LRP1B: variants seen among roughly 807,000 people sequenced by gnomAD.
LRP1B encodes the protein LDL receptor related protein 1B.
Under a neutral mutation model 556.6 loss-of-function variants are expected in LRP1B, and 217 were observed. The observed-to-expected ratio is 0.39, with a 90% CI of 0.35 to 0.44. The LOEUF (loss-of-function observed/expected upper bound fraction) is 0.44. Ranked by LOEUF, LRP1B falls within the 20% of genes least tolerant of loss-of-function variation. The probability of loss-of-function intolerance (pLI) is 1.00; values close to 1 mark genes in which losing one functional copy is unlikely to be tolerated. For synonymous variants in LRP1B, 2,047 were observed against 1,865.8 expected (o/e 1.10, Z -2.50); for missense variants, 5,053 against 5,620.8 (o/e 0.90, Z 3.23).
intron 2 of LRP1B, among the ~76,000 whole-genome samples, chr2:141,481,171 A>G (rs1392070787): frequency 2.0e-5 from 3 of 152,218 alleles, no homozygotes; most frequent in Admixed American, 6.5e-5. Flanking sequence ...TTTACACACC[A>G]GTGATAACTA....
intron 11 of LRP1B, among the ~76,000 whole-genome samples, chr2:141,028,337 A>T (rs1319643386): frequency 6.6e-6 from 1 of 151,800 alleles, no homozygotes; most frequent in Non-Finnish European, 1.5e-5. Flanking sequence ...GTATAAAATT[A>T]TTCAAGGTAG....
intron 2 of LRP1B, among the ~76,000 whole-genome samples, chr2:141,563,060 T>C (rs1166130849): frequency 6.6e-6 from 1 of 151,914 alleles, no homozygotes; most frequent in Non-Finnish European, 1.5e-5. Context: ...GAACTGGATA[T>C]ATGAAGTGGA....
At chr2:140,732,156 G>T (rs1687801090) in intron 35 of LRP1B, among the ~76,000 whole-genome samples, 1 of 151,506 alleles carries the variant, frequency 6.6e-6, no homozygotes, top group Admixed American at 6.6e-5. Flanking sequence ...ACGTGGGAGG[G>T]GTTCATTATT....
intron 66 of LRP1B, among the ~76,000 whole-genome samples, chr2:140,390,028 G>A (rs1683946426): frequency 6.6e-6 from 1 of 152,016 alleles, no homozygotes. Context: ...TACTTGGGAA[G>A]CTGAGGCAGG....
At chr2:141,641,106 A>G (rs1048276136) in intron 2 of LRP1B, among the ~76,000 whole-genome samples, 2 of 152,186 alleles carry the variant, frequency 1.3e-5, no homozygotes, top group Admixed American at 6.6e-5. Flanking sequence ...TTAATTTTCA[A>G]TTATCTTTCC....
intron 3 of LRP1B, among the ~76,000 whole-genome samples, chr2:141,382,547 C>A (rs143150431): frequency 6.6e-6 from 1 of 152,160 alleles, no homozygotes; most frequent in Non-Finnish European, 1.5e-5. Flanking sequence ...AACCTGCCAG[C>A]GCAGAGGCCT....
intron 1 of LRP1B, among the ~76,000 whole-genome samples, chr2:142,032,574 A>G (rs530976553): frequency 1.6e-4 from 24 of 151,748 alleles, no homozygotes; most frequent in Non-Finnish European, 2.7e-4. Flanking sequence ...AACCATCATC[A>G]TTATTTTTAG....
intron 2 of LRP1B, among the ~76,000 whole-genome samples, chr2:141,545,428 AC>A (rs1410789585): frequency 3.3e-5 from 5 of 152,166 alleles, no homozygotes; most frequent in Admixed American, 2.6e-4. Context: ...AATGCCCAGA[AC>A]CTGTGAATAT....
At chr2:140,963,101 T>C (rs530823988) in intron 18 of LRP1B, among the ~76,000 whole-genome samples, 1 of 152,312 alleles carries the variant, frequency 6.6e-6, no homozygotes, top group South Asian at 2.1e-4. Flanking sequence ...TAGGCAAAGA[T>C]GCATATAGCT....
intron 1 of LRP1B, among the ~76,000 whole-genome samples, chr2:142,104,625 T>C (rs1449729541): frequency 2.6e-5 from 4 of 152,144 alleles, no homozygotes; most frequent in African/African-American, 9.6e-5. Context: ...CTTAACTCAT[T>C]AGTACTGTGT....
chr2:140,382,147 G>A (rs1482049822), intron 67 of LRP1B, among the ~76,000 whole-genome samples: 3 of 152,072 alleles, frequency 2.0e-5, no homozygotes, highest in South Asian at 2.1e-4. Flanking sequence ...TATGAATGTC[G>A]ATGTTAGCAT....
At chr2:140,549,758 C>T (rs1680477616) in intron 43 of LRP1B, among the ~76,000 whole-genome samples, 1 of 152,074 alleles carries the variant, frequency 6.6e-6, no homozygotes, top group Non-Finnish European at 1.5e-5. Context: ...CATTAGTTTC[C>T]CAAATTCACA....
chr2:140,501,200 C>G (rs1238000931), intron 55 of LRP1B, among the ~76,000 whole-genome samples: 1 of 151,968 alleles, frequency 6.6e-6, no homozygotes, highest in African/African-American at 2.4e-5. Flanking sequence ...TGTATTCACA[C>G]TAAGTCCTAA....
chr2:141,480,042 A>G (rs889091797), intron 3 of LRP1B, among the ~76,000 whole-genome samples: 2 of 152,186 alleles, frequency 1.3e-5, no homozygotes, highest in Admixed American at 1.3e-4. Flanking sequence ...AAACAAGCTT[A>G]TAACACGATG....
At chr2:141,540,629 T>G (rs561369598) in intron 2 of LRP1B, among the ~76,000 whole-genome samples, 1 of 152,154 alleles carries the variant, frequency 6.6e-6, no homozygotes, top group Admixed American at 6.6e-5. Flanking sequence ...CTGATTTAAT[T>G]AGTAGTAATT....
chr2:141,346,735 T>C (rs1294892421), intron 3 of LRP1B, among the ~76,000 whole-genome samples: 1 of 152,218 alleles, frequency 6.6e-6, no homozygotes, highest in African/African-American at 2.4e-5. Context: ...AGAAGCATCT[T>C]GTGCCATCCA....
intron 4 of LRP1B, among the ~76,000 whole-genome samples, chr2:141,251,827 A>G (rs1246746112): frequency 5.3e-5 from 8 of 152,102 alleles, no homozygotes. Context: ...AGATTAAGAA[A>G]ACATATTTTG....
chr2:140,933,823 T>A (rs1454169401), intron 20 of LRP1B, among the ~76,000 whole-genome samples: 3 of 152,072 alleles, frequency 2.0e-5, no homozygotes, highest in Non-Finnish European at 2.9e-5. Context: ...TTAATTTTCA[T>A]GATAAGCACA....
chr2:141,897,450 T>A (rs2104926748), intron 1 of LRP1B, among the ~76,000 whole-genome samples: 1 of 152,242 alleles, frequency 6.6e-6, no homozygotes, highest in East Asian at 1.9e-4. Flanking sequence ...TTGCACCACA[T>A]GAGACAGTCA....
Sources: allele counts gnomAD v4.1 joint callset (sites outside exome capture counted in the v4.1 genomes callset), GRCh38; gene constraint gnomAD v4.1.1; transcripts MANE v1.5; gene names NCBI Gene and HGNC (gene_info 2026-07-23, HGNC 2026-07-21).